Variants in CFAP61 observed in about 807,000 individuals in gnomAD.
CFAP61 encodes cilia- and flagella-associated protein 61.
CFAP61 carries 107 observed loss-of-function variants against 135.6 expected under a neutral mutation model. The ratio of observed to expected loss-of-function variants is 0.79; its 90% CI spans 0.67 to 0.93. CFAP61 has a LOEUF of 0.93. CFAP61 is among the 40% of genes least tolerant of loss of function. CFAP61 has a pLI of 0.00. For missense variants in CFAP61, 1,507 were observed against 1,556.2 expected, an observed-to-expected ratio of 0.97 and a Z score of 0.53; for synonymous variants, 575 against 578.5, an observed-to-expected ratio of 0.99 and a Z score of 0.09.
At chr20:20,156,142 G>A (rs2052888758) in intron 9 of CFAP61, among the ~76,000 whole-genome samples, 1 of 151,964 alleles carries the variant, frequency 6.6e-6, no homozygotes, top group Non-Finnish European at 1.5e-5. Flanking sequence ...AACACCAACT[G>A]TTCTCCCAAA....
At chr20:20,099,127 TCA>T (rs11087302) in intron 8 of CFAP61, among the ~76,000 whole-genome samples, 76 of 149,456 alleles carry the variant, frequency 5.1e-4, no homozygotes, top group South Asian at 2.8e-3. Context: ...GTTTCAGGTT[TCA>T]CACACACACA....
chr20:20,280,372 T>C (rs1351490969), intron 22 of CFAP61, among the ~76,000 whole-genome samples: 3 of 152,204 alleles, frequency 2.0e-5, no homozygotes, highest in Non-Finnish European at 4.4e-5. Context: ...TGACAATACT[T>C]GGATTCTCCA....
intron 9 of CFAP61, among the ~76,000 whole-genome samples, chr20:20,147,089 C>T (rs2051952943): frequency 1.3e-5 from 2 of 152,320 alleles, no homozygotes; most frequent in East Asian, 3.9e-4. Flanking sequence ...TCATTCCTTT[C>T]TATGGTTGAA....
intron 26 of CFAP61, among the ~76,000 whole-genome samples, chr20:20,346,363 A>C (rs2058635973): frequency 6.6e-6 from 1 of 151,060 alleles, no homozygotes. Flanking sequence ...CTAAAAATAC[A>C]AAAAACTAGC....
chr20:20,243,083 T>C (rs1201812505), intron 18 of CFAP61, among the ~76,000 whole-genome samples: 2 of 152,208 alleles, frequency 1.3e-5, no homozygotes, highest in East Asian at 1.9e-4. Flanking sequence ...CAGTTCCACA[T>C]GGCTGGGGAG....
At chr20:20,214,750 T>C (rs1460631764) in intron 17 of CFAP61, among the ~76,000 whole-genome samples, 3 of 152,218 alleles carry the variant, frequency 2.0e-5, no homozygotes, top group African/African-American at 4.8e-5. Context: ...AACACTTCTT[T>C]CCACTGATGG....
At chr20:20,193,701 C>A (rs2056086585) in intron 15 of CFAP61, among the ~76,000 whole-genome samples, 1 of 152,096 alleles carries the variant, frequency 6.6e-6, no homozygotes, top group Admixed American at 6.5e-5. Context: ...GCAGCCTCTG[C>A]CTCCCGGGTT....
chr20:20,063,797 G>C (rs2045008527), intron 2 of CFAP61, among the ~76,000 whole-genome samples: 1 of 152,164 alleles, frequency 6.6e-6, no homozygotes, highest in Admixed American at 6.5e-5. Context: ...CTTAGCAAAT[G>C]GAAAGGAATG....
At chr20:20,341,722 TTGCAATGAGGCCAGAAC>T in intron 25 of CFAP61, 92 bp from the exon 26 acceptor site, 1 of 685,694 alleles carries the variant, frequency 1.5e-6, no homozygotes, top group Non-Finnish European at 2.5e-6. Flanking sequence ...GAGCAAACGA[TTGCAATGAGGCCAGAAC>T]TGTAATTTAT....
intron 26 of CFAP61, among the ~76,000 whole-genome samples, chr20:20,358,010 CAGTGTGAGGGGAGGTGGTCA>C (rs2059315201): frequency 2.7e-5 from 3 of 110,658 alleles, no homozygotes; most frequent in African/African-American, 1.1e-4. Flanking sequence ...GAGGTGGTCA[CAGTGTGAGGGGAGGTGGTCA>C]CACTGAGGAG....
intron 17 of CFAP61, among the ~76,000 whole-genome samples, chr20:20,227,573 A>G (rs948394720): frequency 1.3e-5 from 2 of 152,218 alleles, no homozygotes; most frequent in East Asian, 3.8e-4. Context: ...TCAATGACTA[A>G]TTCAGGTAAT....
rs1370796761 is a variant in CFAP61, at chr20:20,201,730, A to G, written c.1932+1828A>G. 2.0e-5 allele frequency among the ~76,000 whole-genome samples: 3 copies of G among 152,222 alleles called. No homozygotes were observed. In the South Asian group the frequency reaches 6.2e-4, roughly 32 times the overall value. ...AGGCGCTGGGCATAGAAGTACATGG[A>G]TGTGCCAGGCGTACAACCTTGCAGC... On this transcript the variant is annotated intron_variant, in intron 17 of 26. Coordinates refer to ENST00000245957, the MANE Select transcript of CFAP61 (RefSeq NM_015585.4).
chr20:20,185,169 A>G (rs188038959), intron 13 of CFAP61, among the ~76,000 whole-genome samples: 45 of 152,352 alleles, frequency 3.0e-4, no homozygotes, highest in Admixed American at 1.5e-3. Context: ...AATCTTATGT[A>G]TCTTACTTTA....
intron 2 of CFAP61, chr20:20,069,809 C>G (rs1426259725): frequency 2.2e-6 from 1 of 453,814 alleles, no homozygotes; most frequent in Admixed American, 2.4e-5. Flanking sequence ...ACTGGAAAGC[C>G]CATGTCACTT....
intron 17 of CFAP61, among the ~76,000 whole-genome samples, chr20:20,204,212 C>T (rs529171945): frequency 1.1e-4 from 17 of 152,314 alleles, no homozygotes; most frequent in African/African-American, 4.1e-4. Context: ...AGCAATCATA[C>T]TTTCAGAGTG....
chr20:20,234,961 C>A (rs1315983128), intron 18 of CFAP61, among the ~76,000 whole-genome samples: 2 of 152,184 alleles, frequency 1.3e-5, no homozygotes, highest in Admixed American at 1.3e-4. Flanking sequence ...AGTGCTGACA[C>A]TTGTTAGACG....
Position 20,288,725 on chromosome 20 carries a change from C to T in CFAP61, c.2913C>T (p.Asp971=). The change falls in exon 23 of 27, where the codon GAC becomes GAT. Residue 971 remains aspartate (D), a synonymous_variant. Coordinates refer to ENST00000245957, the MANE Select transcript of CFAP61 (RefSeq NM_015585.4). ...LVIDTNFHTN[D]IAIRAAGSLT... ...TTGATACCAACTTCCACACCAACGACATAGCCATCAGAGCTGCTGGCTCCC... is the reference window on the plus strand; with the variant it reads ...TTGATACCAACTTCCACACCAACGATATAGCCATCAGAGCTGCTGGCTCCC... The T allele has an allele frequency of 6.2e-7, 1 of 1,614,120 alleles. No homozygotes were observed. The highest frequency in any genetic ancestry group is 1.1e-5 in the South Asian group (1 of 91,084).
At chr20:20,346,286 G>A (rs560516952) in intron 26 of CFAP61, among the ~76,000 whole-genome samples, 2 of 149,836 alleles carry the variant, frequency 1.3e-5, no homozygotes, top group South Asian at 2.1e-4. Flanking sequence ...GGAGGCCGAG[G>A]CAGGTGGATC....
In CFAP61 at chr20:20,246,007, A is replaced by T. The variant is rs149316290; in HGVS notation, c.2061-110A>T. 497 of 687,914 alleles carry T rather than the reference A, an allele frequency of 7.2e-4. 5 individuals carry two copies. The highest frequency in any genetic ancestry group is 6.5e-3 in the African/African-American group (361 of 55,344). 42.6% of individuals were successfully genotyped at this position (687,914 alleles called of 1,614,324 possible). A position where few individuals can be genotyped will look rare whatever the true frequency, so the allele number is the denominator to read the frequency against. On this transcript the variant is annotated intron_variant, in intron 18 of 26. Coordinates refer to ENST00000245957, the MANE Select transcript of CFAP61 (RefSeq NM_015585.4). Reference sequence around the variant, plus strand: ...CGTGCAAAGAATTAGTAGCTCCAAAAGCAATTCAACAGTTGGATGACACGT... The same window carrying T: ...CGTGCAAAGAATTAGTAGCTCCAAATGCAATTCAACAGTTGGATGACACGT...
Sources: allele counts gnomAD v4.1 joint callset (sites outside exome capture counted in the v4.1 genomes callset), GRCh38; gene constraint gnomAD v4.1.1; transcripts MANE v1.5; gene names NCBI Gene and HGNC (gene_info 2026-07-23, HGNC 2026-07-21).